Variants in LIMS1 observed in about 807,000 individuals in gnomAD.
The protein encoded by LIMS1 is LIM zinc finger domain containing 1.
Under a neutral mutation model 44.1 loss-of-function variants are expected in LIMS1, and 18 were observed. That is an observed-to-expected ratio of 0.41 (90% confidence interval 0.28 to 0.61). LIMS1 has a LOEUF of 0.61. Among genes scored for constraint, LIMS1 ranks in the 20% least tolerant of loss-of-function variants. The pLI, the probability that LIMS1 is intolerant of heterozygous loss-of-function variation, is 0.32. For synonymous variants in LIMS1, 93 were observed against 149.1 expected, an observed-to-expected ratio of 0.62 and a Z score of 2.74; for missense variants, 201 against 422.0, an observed-to-expected ratio of 0.48 and a Z score of 4.59.
chr2:108,597,589 C>CT (rs1558802505), intron 1 of LIMS1, among the ~76,000 whole-genome samples: 2 of 151,938 alleles, frequency 1.3e-5, no homozygotes, highest in Non-Finnish European at 2.9e-5. Context: ...GTGAAAGAGA[C>CT]AGAGGCACAC....
chr2:108,553,004 C>T lies in LIMS1; in HGVS notation c.32+18410C>T, dbSNP rs917556950. ...ACGGCCATATCCAATGAAAAATAAA[C>T]GAAGTTTAATCAGGATGGCTCTGAA... On this transcript the variant is annotated intron_variant, in intron 1 of 9. Coordinates refer to ENST00000544547, the Ensembl canonical transcript of LIMS1. Among the ~76,000 whole-genome samples, 6 of 152,212 alleles carry T rather than the reference C, an allele frequency of 3.9e-5. No homozygotes were observed. In the Middle Eastern group the frequency reaches 0.01, roughly 259 times the overall value.
intron 1 of LIMS1, among the ~76,000 whole-genome samples, chr2:108,576,712 C>T (rs1238703956): frequency 6.6e-6 from 1 of 152,078 alleles, no homozygotes; most frequent in African/African-American, 2.4e-5. Context: ...AGTTAAAGTG[C>T]CCTTTAGAGT....
At chr2:108,641,222 G>A (rs1689647533) in intron 1 of LIMS1, among the ~76,000 whole-genome samples, 1 of 152,084 alleles carries the variant, frequency 6.6e-6, no homozygotes, top group Non-Finnish European at 1.5e-5. Context: ...ATTTCAACCT[G>A]ATATCATAAT....
chr2:108,554,408 G>A (rs1684854500), intron 1 of LIMS1, among the ~76,000 whole-genome samples: 1 of 152,100 alleles, frequency 6.6e-6, no homozygotes, highest in African/African-American at 2.4e-5. Flanking sequence ...CCCTGTACTT[G>A]GCATGGTGTC....
chr2:108,650,151 G>A (rs527712543), intron 1 of LIMS1, among the ~76,000 whole-genome samples: 1 of 152,254 alleles, frequency 6.6e-6, no homozygotes, highest in East Asian at 1.9e-4. Flanking sequence ...TGATGCCACT[G>A]CCGTGGCAGT....
chr2:108,551,865 A>G, intron 1 of LIMS1, among the ~76,000 whole-genome samples: 1 of 146,180 alleles, frequency 6.8e-6, no homozygotes, highest in East Asian at 2.0e-4. Flanking sequence ...TGTAGTATAT[A>G]TGTATACATA....
chr2:108,551,219 A>G (rs1156739881), intron 1 of LIMS1, among the ~76,000 whole-genome samples: 1 of 151,316 alleles, frequency 6.6e-6, no homozygotes, highest in African/African-American at 2.4e-5. Context: ...GCTTTTATGT[A>G]TTTATACAGT....
chr2:108,609,045 G>A (rs1687438882), intron 1 of LIMS1, among the ~76,000 whole-genome samples: 1 of 152,156 alleles, frequency 6.6e-6, no homozygotes, highest in African/African-American at 2.4e-5. Context: ...AGCTGAGGTG[G>A]CGTCTTTCTG....
At chr2:108,646,250 C>T (rs1334824697) in intron 1 of LIMS1, among the ~76,000 whole-genome samples, 1 of 152,096 alleles carries the variant, frequency 6.6e-6, no homozygotes, top group Non-Finnish European at 1.5e-5. Flanking sequence ...CACTCCTCAG[C>T]AAATGCAAAA....
At chr2:108,637,811 G>A (rs1384123379) in intron 1 of LIMS1, among the ~76,000 whole-genome samples, 1 of 151,532 alleles carries the variant, frequency 6.6e-6, no homozygotes, top group Non-Finnish European at 1.5e-5. Context: ...TCTAGTTAAA[G>A]TTTCTAAATG....
At chr2:108,561,461 A>C (rs968035916) in intron 1 of LIMS1, among the ~76,000 whole-genome samples, 6 of 152,158 alleles carry the variant, frequency 3.9e-5, no homozygotes, top group Non-Finnish European at 4.4e-5. Flanking sequence ...AGGCAGAACC[A>C]ATGCAGTGTA....
In LIMS1 at chr2:108,581,968, G is replaced by T. The variant is rs566282638; in HGVS notation, c.32+47374G>T. On this transcript the variant is annotated intron_variant, in intron 1 of 9. Coordinates refer to ENST00000544547, the Ensembl canonical transcript of LIMS1. ...AAAAAAAAACAAACAAAAAATACTTGCTATATGATGACACTGTTTTCTTGA... is the reference window on the plus strand; with the variant it reads ...AAAAAAAAACAAACAAAAAATACTTTCTATATGATGACACTGTTTTCTTGA... 8.3e-4 allele frequency among the ~76,000 whole-genome samples: 126 copies of T among 151,664 alleles called. 1 individual carries two copies. Among genetic ancestry groups the T allele is most frequent in the Non-Finnish European group, 1.5e-3 (100 of 67,882 alleles).
intron 1 of LIMS1, among the ~76,000 whole-genome samples, chr2:108,564,193 T>C (rs1480112230): frequency 1.3e-5 from 2 of 152,088 alleles, no homozygotes; most frequent in Non-Finnish European, 2.9e-5. Context: ...CAAAAGATAA[T>C]GACTCGCTGA....
intron 1 of LIMS1, among the ~76,000 whole-genome samples, chr2:108,650,413 CTTTTTTT>C (rs113015874): frequency 6.9e-6 from 1 of 145,202 alleles, no homozygotes; most frequent in East Asian, 2.1e-4. Flanking sequence ...CTTTTCTTTT[CTTTTTTT>C]TTTTTTTTTC....
At chr2:108,572,155 A>G (rs1033269404) in intron 1 of LIMS1, among the ~76,000 whole-genome samples, 1 of 150,854 alleles carries the variant, frequency 6.6e-6, no homozygotes. Context: ...TTTTTTTTTT[A>G]TCATGGAATT....
intron 1 of LIMS1, among the ~76,000 whole-genome samples, chr2:108,616,379 T>C (rs1312666395): frequency 6.6e-6 from 1 of 152,008 alleles, no homozygotes; most frequent in Non-Finnish European, 1.5e-5. Flanking sequence ...GCCCAGCTAA[T>C]TTTGTATTAC....
At chr2:108,607,704 C>T (rs190285508) in intron 1 of LIMS1, among the ~76,000 whole-genome samples, 9 of 152,214 alleles carry the variant, frequency 5.9e-5, no homozygotes, top group Admixed American at 2.0e-4. Context: ...TAACTTTTCT[C>T]GTCTTCCTTT....
At chr2:108,551,947 G>GTATATATATATATATA in intron 1 of LIMS1, among the ~76,000 whole-genome samples, 1 of 95,608 alleles carries the variant, frequency 1.0e-5, no homozygotes, top group African/African-American at 3.6e-5. Context: ...GTGTGTGTGT[G>GTATATATATATATATA]TGTGTGTATA....
intron 1 of LIMS1, among the ~76,000 whole-genome samples, chr2:108,560,585 A>C (rs1050926650): frequency 6.6e-6 from 1 of 151,828 alleles, no homozygotes; most frequent in South Asian, 2.1e-4. Flanking sequence ...CCTATCAAAA[A>C]TTGCCCTGAC....
Sources: gnomAD v4.1 joint callset for allele counts (sites outside exome capture counted in the v4.1 genomes callset) on GRCh38, gnomAD v4.1.1 for gene constraint, MANE v1.5 for transcripts, NCBI Gene and HGNC (gene_info 2026-07-23, HGNC 2026-07-21) for gene names.